FMNL2: variants seen among roughly 807,000 people sequenced by gnomAD.
FMNL2 encodes formin like 2, also known as formin-like protein 2.
FMNL2 carries 51 observed loss-of-function variants against 130.2 expected under a neutral mutation model. The observed-to-expected ratio is 0.39, with a 90% confidence interval of 0.31 to 0.49. The LOEUF is 0.49. Among genes scored for constraint, FMNL2 ranks in the 20% least tolerant of loss-of-function variants. The probability of loss-of-function intolerance (pLI) is 0.85; values close to 1 mark genes in which losing one functional copy is unlikely to be tolerated. For synonymous variants in FMNL2, 465 were observed against 467.1 expected, an observed-to-expected ratio of 1.00 and a Z score of 0.06; for missense variants, 977 against 1,316.2, an observed-to-expected ratio of 0.74 and a Z score of 3.99.
chr2:152,586,584 CTCACAT>C (rs1303087947), intron 9 of FMNL2, among the ~76,000 whole-genome samples: 1 of 152,132 alleles, frequency 6.6e-6, no homozygotes, highest in African/African-American at 2.4e-5. Flanking sequence ...AGTAAGGGTA[CTCACAT>C]TTTTCAGTCT....
intron 1 of FMNL2, among the ~76,000 whole-genome samples, chr2:152,371,624 G>A (rs1355809397): frequency 1.4e-5 from 2 of 146,504 alleles, no homozygotes; most frequent in Non-Finnish European, 3.0e-5. Flanking sequence ...AGCAGAGATT[G>A]CGCCACTGCA....
At chr2:152,464,848 G>A (rs529050649) in intron 1 of FMNL2, among the ~76,000 whole-genome samples, 1 of 152,188 alleles carries the variant, frequency 6.6e-6, no homozygotes, top group African/African-American at 2.4e-5. Flanking sequence ...GCTTAGCGAA[G>A]TGGAGGGTTC....
intron 1 of FMNL2, among the ~76,000 whole-genome samples, chr2:152,447,072 A>G (rs73002268): frequency 0.025 from 3,779 of 152,054 alleles, 159 homozygotes; most frequent in African/African-American, 0.086. Flanking sequence ...GACTTTGTCA[A>G]TCTTCTAAAG....
At chr2:152,356,716 G>A (rs1470477352) in intron 1 of FMNL2, among the ~76,000 whole-genome samples, 1 of 141,146 alleles carries the variant, frequency 7.1e-6, no homozygotes, top group Non-Finnish European at 1.5e-5. Flanking sequence ...TCTATTTAGT[G>A]CCACACTTTT....
intron 1 of FMNL2, among the ~76,000 whole-genome samples, chr2:152,339,145 C>T (rs1293116212): frequency 6.6e-6 from 1 of 152,126 alleles, no homozygotes; most frequent in African/African-American, 2.4e-5. Context: ...CTCATGGGCC[C>T]AACGCAAATT....
At chr2:152,578,732 C>A in intron 7 of FMNL2, 156 bp from the exon 8 acceptor site, 1 of 524,976 alleles carries the variant, frequency 1.9e-6, no homozygotes, top group Non-Finnish European at 3.3e-6. Context: ...GAGAAATATG[C>A]TCTGACAGTG....
chr2:152,618,561 C>T (rs964629738), intron 13 of FMNL2, among the ~76,000 whole-genome samples: 16 of 152,254 alleles, frequency 1.1e-4, no homozygotes, highest in Admixed American at 1.3e-4. Context: ...GTCAGCATTC[C>T]GGGTCATTTC....
chr2:152,510,552 G>C (rs1375638831), intron 1 of FMNL2, among the ~76,000 whole-genome samples: 1 of 152,186 alleles, frequency 6.6e-6, no homozygotes, highest in Non-Finnish European at 1.5e-5. Flanking sequence ...TAGACATTAT[G>C]TGTGAATTAA....
chr2:152,620,837 C>T (rs889394043), intron 15 of FMNL2: 50 of 773,590 alleles, frequency 6.5e-5, no homozygotes, highest in South Asian at 1.8e-4. Context: ...CATGGTTTTA[C>T]TTCCACCCCG....
At chr2:152,635,503 AG>A (rs1682519367) in intron 21 of FMNL2, among the ~76,000 whole-genome samples, 1 of 152,264 alleles carries the variant, frequency 6.6e-6, no homozygotes, top group South Asian at 2.1e-4. Flanking sequence ...ATACGTCATT[AG>A]CAAAAAAAGT....
chr2:152,412,496 A>G (rs1357249594), intron 1 of FMNL2, among the ~76,000 whole-genome samples: 2 of 77,422 alleles, frequency 2.6e-5, no homozygotes, highest in African/African-American at 1.0e-4. Context: ...ATATATATAT[A>G]TATATAAATT....
chr2:152,478,621 G>C (rs1690306341), intron 1 of FMNL2, among the ~76,000 whole-genome samples: 1 of 152,088 alleles, frequency 6.6e-6, no homozygotes, highest in African/African-American at 2.4e-5. Flanking sequence ...TTATGGTGGT[G>C]ATCTGATTGT....
chr2:152,603,691 CT>C lies in FMNL2; in HGVS notation c.877-3640del, dbSNP rs761260629. 3.3e-5 allele frequency among the ~76,000 whole-genome samples: 5 copies of C among 150,632 alleles called. 1 individual carries two copies. The East Asian group carries it at 1.0e-3, about 31-fold the overall frequency. On this transcript the variant is annotated intron_variant, in intron 9 of 25. Transcript: ENST00000288670. Reference sequence around the variant, plus strand: ...ATGTGCTTTTCCAGCCATTCAAAACCTTTTTTTTCTAAGACCCAACATGCAC... The same window carrying C: ...ATGTGCTTTTCCAGCCATTCAAAACCTTTTTTTCTAAGACCCAACATGCAC...
chr2:152,335,369 A>C lies in FMNL2; in HGVS notation c.-235A>C. The C allele has an allele frequency of 4.0e-6, 1 of 251,636 alleles. No homozygotes were observed. Among genetic ancestry groups the C allele is most frequent in the Non-Finnish European group, 7.4e-6 (1 of 134,458 alleles). The allele number at this position is 251,636 out of a possible 1,614,324, so 15.6% of individuals were successfully genotyped here. ...AGCGCCCCAACTACCCCTCCCGAGG[A>C]AAAGAGGCCGGGGCCGCGCTGGGGC... On this transcript the variant is annotated 5_prime_UTR_variant, in exon 1 of 26. Coordinates refer to ENST00000288670, the MANE Select transcript of FMNL2 (RefSeq NM_052905.4).
chr2:152,478,386 C>T lies in FMNL2; in HGVS notation c.118-43557C>T, dbSNP rs566784261. 4.8e-4 allele frequency among the ~76,000 whole-genome samples: 73 copies of T among 151,410 alleles called. 1 individual carries two copies. Among genetic ancestry groups the T allele is most frequent in the South Asian group, 2.7e-3 (13 of 4,800 alleles). On this transcript the variant is annotated intron_variant, in intron 1 of 25. Coordinates refer to ENST00000288670, the MANE Select transcript of FMNL2 (RefSeq NM_052905.4). ...CTAAGTAGCTGGGATTACAGGCACGCGCCAACGTGCCCAGCTAATTTTTGT... is the reference window on the plus strand; with the variant it reads ...CTAAGTAGCTGGGATTACAGGCACGTGCCAACGTGCCCAGCTAATTTTTGT...
At chr2:152,348,307 CTT>C (rs1185571779) in intron 1 of FMNL2, among the ~76,000 whole-genome samples, 1 of 152,148 alleles carries the variant, frequency 6.6e-6, no homozygotes, top group Non-Finnish European at 1.5e-5. Context: ...TTGTTTGTGT[CTT>C]TGTTTCACCT....
chr2:152,643,312 C>A, intron 25 of FMNL2: 2 of 1,467,424 alleles, frequency 1.4e-6, no homozygotes, highest in Non-Finnish European at 1.8e-6. Flanking sequence ...CTTCCCCACC[C>A]CCATCCCCAG....
chr2:152,604,646 A>T (rs1698260126), intron 9 of FMNL2, among the ~76,000 whole-genome samples: 1 of 151,858 alleles, frequency 6.6e-6, no homozygotes, highest in South Asian at 2.1e-4. Flanking sequence ...CCCAGGCTGG[A>T]ATGCAGTGGT....
intron 4 of FMNL2, among the ~76,000 whole-genome samples, chr2:152,551,151 A>G (rs1694916566): frequency 1.3e-5 from 2 of 151,914 alleles, no homozygotes; most frequent in African/African-American, 2.4e-5. Context: ...CCGAAAAAAA[A>G]AAAAAAAAGC....
Sources: gnomAD v4.1 joint callset for allele counts (sites outside exome capture counted in the v4.1 genomes callset) on GRCh38, gnomAD v4.1.1 for gene constraint, MANE v1.5 for transcripts, NCBI Gene and HGNC (gene_info 2026-07-23, HGNC 2026-07-21) for gene names.